Variants in PABPC1L observed in about 807,000 individuals in gnomAD.
The protein encoded by PABPC1L is polyadenylate-binding protein 1-like.
A neutral mutation model predicts 66.6 loss-of-function variants in PABPC1L; 31 were observed. That is an observed-to-expected ratio of 0.47 (90% CI 0.35 to 0.63). PABPC1L has a LOEUF of 0.63. Among genes scored for constraint, PABPC1L ranks in the 20% least tolerant of loss-of-function variants. The probability of loss-of-function intolerance (pLI) is 0.00; values close to 1 mark genes in which losing one functional copy is unlikely to be tolerated. For missense variants in PABPC1L, 722 were observed against 848.8 expected (o/e 0.85, Z 1.86); for synonymous variants, 348 against 335.1 (o/e 1.04, Z -0.42).
intron 5 of PABPC1L, 65 bp from the exon 6 acceptor site, chr20:44,921,529 A>T: frequency 6.3e-7 from 1 of 1,583,312 alleles, no homozygotes; most frequent in Non-Finnish European, 8.6e-7. Flanking sequence ...TAGATCCAGA[A>T]GATGAGCCTG....
chr20:44,920,564 G>T (rs1407856360), intron 5 of PABPC1L, among the ~76,000 whole-genome samples: 1 of 151,774 alleles, frequency 6.6e-6, no homozygotes, highest in Non-Finnish European at 1.5e-5. Flanking sequence ...CGCCTCCTGG[G>T]TTCAAGTAAT....
chr20:44,910,407 T>A, intron 1 of PABPC1L, 71 bp downstream of exon 1: 1 of 1,408,712 alleles, frequency 7.1e-7, no homozygotes, highest in Non-Finnish European at 9.3e-7. Context: ...AAGCCGGAAC[T>A]GGGCCGCTTG....
At chr20:44,914,204 CTTT>C (rs1201412446) in intron 2 of PABPC1L, among the ~76,000 whole-genome samples, 5 of 114,350 alleles carry the variant, frequency 4.4e-5, no homozygotes, top group African/African-American at 1.4e-4. Flanking sequence ...TGTGTCAGAA[CTTT>C]TTTTTTTTTT....
chr20:44,910,135 C>CT lies in PABPC1L; in HGVS notation c.-8dup. On this transcript the variant is annotated 5_prime_UTR_variant, in exon 1 of 15. Coordinates refer to ENST00000217073, the MANE Select transcript of PABPC1L (RefSeq NM_001372179.1). ...CTGCTTGCCCCGCAGCCCCGGCCCC[C>CT]TGCCCACCATGAACGCCAGCGGTTC... 2 of 1,554,308 alleles carry CT rather than the reference C, an allele frequency of 1.3e-6. No homozygotes were observed. Among genetic ancestry groups the CT allele is most frequent in the Non-Finnish European group, 1.7e-6 (2 of 1,149,310 alleles).
intron 12 of PABPC1L, chr20:44,936,995 T>A: frequency 1.7e-6 from 1 of 581,602 alleles, no homozygotes. Context: ...ACAGTCCAGA[T>A]GTGGGGAGAT....
intron 11 of PABPC1L, 113 bp downstream of exon 11, chr20:44,935,610 C>T (rs2066895689): frequency 7.7e-6 from 6 of 779,342 alleles, no homozygotes; most frequent in African/African-American, 3.5e-5. Context: ...TGTAAAGTTT[C>T]GTTTATTAAT....
At chr20:44,925,381 G>A (rs1324827613) in intron 7 of PABPC1L, among the ~76,000 whole-genome samples, 1 of 152,152 alleles carries the variant, frequency 6.6e-6, no homozygotes, top group African/African-American at 2.4e-5. Flanking sequence ...AAGTCAGCCC[G>A]TCACTAACTC....
intron 10 of PABPC1L, among the ~76,000 whole-genome samples, chr20:44,934,637 G>T (rs1308181154): frequency 6.6e-6 from 1 of 152,186 alleles, no homozygotes; most frequent in Non-Finnish European, 1.5e-5. Context: ...ATGTATCTAT[G>T]TTGTGGCGTG....
At chr20:44,929,305 C>T (rs953640452) in intron 7 of PABPC1L, among the ~76,000 whole-genome samples, 2 of 152,012 alleles carry the variant, frequency 1.3e-5, no homozygotes, top group South Asian at 2.1e-4. Flanking sequence ...CCCTAAATGC[C>T]ATGTGGGTTG....
Position 44,910,198 on chromosome 20 carries a change from C to T in PABPC1L, c.55C>T (p.His19Tyr). ...PLASLYVGDL[H>Y]PDVTEAMLYE... ...TGCCTCGCTTTACGTGGGCGATCTG[C>T]ACCCCGACGTGACCGAGGCCATGCT... The change falls in exon 1 of 15, where the codon CAC (histidine) becomes TAC (tyrosine). Residue 19 changes from histidine to tyrosine, a missense_variant. Transcript: ENST00000217073. 6.3e-7 allele frequency: 1 copy of T among 1,581,058 alleles called. No individual in the cohort carries two copies.
chr20:44,921,543 C>T (rs1262298686), intron 5 of PABPC1L, 51 bp from the exon 6 acceptor site: 3 of 1,600,502 alleles, frequency 1.9e-6, no homozygotes, highest in South Asian at 2.2e-5. Context: ...GAGCCTGGGC[C>T]AGGGCCACAT....
chr20:44,932,658 C>A, intron 9 of PABPC1L: 1 of 518,608 alleles, frequency 1.9e-6, no homozygotes, highest in South Asian at 3.1e-5. Flanking sequence ...CACCAGCAGT[C>A]ATCACCAAAG....
At chr20:44,917,085 T>C (rs2145558274) in intron 3 of PABPC1L, among the ~76,000 whole-genome samples, 1 of 152,282 alleles carries the variant, frequency 6.6e-6, no homozygotes, top group East Asian at 1.9e-4. Context: ...CATTAGAGTA[T>C]GGTAAAGGAA....
intron 5 of PABPC1L, among the ~76,000 whole-genome samples, chr20:44,921,342 T>C (rs1036015348): frequency 6.6e-6 from 1 of 152,080 alleles, no homozygotes. Flanking sequence ...GAGACGGGGT[T>C]TCTCCATGTT....
At chr20:44,922,553 A>G (rs189681373) in intron 6 of PABPC1L, among the ~76,000 whole-genome samples, 4 of 151,872 alleles carry the variant, frequency 2.6e-5, no homozygotes, top group East Asian at 1.9e-4. Context: ...TGTATTTTTA[A>G]TAGAGATGGA....
intron 11 of PABPC1L, 36 bp from the exon 12 acceptor site, chr20:44,936,601 A>G (rs1356442845): frequency 1.3e-6 from 2 of 1,511,346 alleles, no homozygotes; most frequent in East Asian, 2.4e-5. Context: ...ATGCCTGTCC[A>G]TGGTGATTAA....
At chr20:44,930,200 G>T (rs2066840751) in intron 7 of PABPC1L, among the ~76,000 whole-genome samples, 1 of 152,130 alleles carries the variant, frequency 6.6e-6, no homozygotes, top group Non-Finnish European at 1.5e-5. Context: ...AGTAAACAGG[G>T]TGCACGCTAC....
chr20:44,912,543 G>C (rs908735792), intron 1 of PABPC1L, 117 bp from the exon 2 acceptor site: 3 of 867,058 alleles, frequency 3.5e-6, no homozygotes, highest in Non-Finnish European at 3.5e-6. Flanking sequence ...TTATTGTCTG[G>C]GACCCAGACA....
intron 7 of PABPC1L, among the ~76,000 whole-genome samples, chr20:44,929,774 G>A (rs1725111548): frequency 1.3e-5 from 2 of 148,626 alleles, no homozygotes; most frequent in African/African-American, 5.0e-5. Flanking sequence ...TAGCCTGAGT[G>A]ACAGAGTGAA....
Sources: gnomAD v4.1 joint callset for allele counts (sites outside exome capture counted in the v4.1 genomes callset) on GRCh38, gnomAD v4.1.1 for gene constraint, MANE v1.5 for transcripts, NCBI Gene and HGNC (gene_info 2026-07-23, HGNC 2026-07-21) for gene names.